The following CHKB variants were observed in gnomAD, a reference collection of about 807,000 sequenced individuals.
The protein encoded by CHKB is choline kinase beta.
Under a neutral mutation model 57.3 loss-of-function variants are expected in CHKB, and 45 were observed. The observed-to-expected ratio is 0.79, with a 90% CI of 0.62 to 1.01. The LOEUF is 1.01. CHKB is among the 50% of genes least tolerant of loss of function. The pLI is 0.00. For missense variants in CHKB, 517 were observed against 502.8 expected (o/e 1.03, Z -0.27); for synonymous variants, 224 against 201.8 (o/e 1.11, Z -0.93).
Position 50,582,789 on chromosome 22 carries a change from G to A in CHKB, c.-8C>T. On this transcript the variant is annotated 5_prime_UTR_variant, in exon 1 of 11. Transcript: ENST00000406938. ...TGTCGCCTCGGCCGCCATGGCGCGGGCTCGACCGGGCCCCAGGCCAGGCTG... is the reference window on the plus strand; with the variant it reads ...TGTCGCCTCGGCCGCCATGGCGCGGACTCGACCGGGCCCCAGGCCAGGCTG... 1 of 1,555,966 alleles carries A rather than the reference G, an allele frequency of 6.4e-7. No individual in the cohort carries two copies. The highest frequency in any genetic ancestry group is 8.7e-7 in the Non-Finnish European group (1 of 1,152,548).
Position 50,580,277 on chromosome 22 carries a change from G to A in CHKB, c.737-6C>T, listed in dbSNP as rs1172577845. 6.2e-7 allele frequency: 1 copy of A among 1,614,004 alleles called. No individual in the cohort carries two copies. Among genetic ancestry groups the A allele is most frequent in the Admixed American group, 1.7e-5 (1 of 60,030 alleles). ...TGAGAGCAGCAAGATGTTCCCTGGG[G>A]GAATGGGGTGAGGTTCTGCTCACTC... On this transcript the variant is annotated splice_polypyrimidine_tract_variant and splice_region_variant and intron_variant, in intron 6 of 10. Coordinates refer to ENST00000406938, the MANE Select transcript of CHKB (RefSeq NM_005198.5).
chr22:50,582,612 A>G lies in CHKB; in HGVS notation c.170T>C (p.Leu57Ser). 6.2e-7 allele frequency: 1 copy of G among 1,610,984 alleles called. No individual in the cohort carries two copies. The highest frequency in any genetic ancestry group is 1.1e-5 in the South Asian group (1 of 90,922). The change falls in exon 1 of 11, where the codon TTG (leucine) becomes TCG (serine). Residue 57 changes from leucine to serine, a missense_variant. Transcript: ENST00000406938. ...CTGCACTCGGCGCCAGGCCCCGCCC[A>G]AGTACTCCCGGCACCATTGGTAGGC... ...RRAYQWCREY[L>S]GGAWRRVQPE...
At position 50,580,400 on chromosome 22, in the gene CHKB, T is replaced by C. The variant is rs779762736; in HGVS notation, c.694A>G (p.Thr232Ala). ...TGGCAGAAGACGACTGGCGATGGGG[T>C]AGACTCTAGTAACTTCCTACAGGGG... ...MGNLRKLLES[T>A]PSPVVFCHND... is the part of the protein sequence containing the mutation. The change falls in exon 6 of 11, where the codon ACC (threonine) becomes GCC (alanine). Residue 232 changes from threonine to alanine, a missense_variant. Physicochemically the swap from Thr to Ala is moderately conservative, Grantham distance 58. Coordinates refer to ENST00000406938, the MANE Select transcript of CHKB (RefSeq NM_005198.5). 5 of 1,613,906 alleles carry C rather than the reference T, an allele frequency of 3.1e-6. No individual in the cohort carries two copies. The South Asian group carries it at 4.4e-5, about 14-fold the overall frequency.
At chr22:50,580,853 C>T in intron 4 of CHKB, 193 bp from the exon 5 acceptor site, 5 of 584,828 alleles carry the variant, frequency 8.5e-6, no homozygotes, top group Non-Finnish European at 1.6e-5. Context: ...GATCTTGGCT[C>T]ACTGCAACCT....
chr22:50,579,335 C>T, intron 10 of CHKB, 80 bp from the exon 11 acceptor site: 1 of 1,580,724 alleles, frequency 6.3e-7, no homozygotes, highest in Non-Finnish European at 8.6e-7. Context: ...CTGCCCACAG[C>T]CACCCGGGAC....
At chr22:50,579,859 T>A in intron 8 of CHKB, 29 bp from the exon 9 acceptor site, 1 of 1,605,736 alleles carries the variant, frequency 6.2e-7, no homozygotes, top group Non-Finnish European at 8.5e-7. Context: ...AGTCAGGAAT[T>A]GGGGAGACTG....
At position 50,582,613 on chromosome 22, in the gene CHKB, A is replaced by G. The variant is rs760830828; in HGVS notation, c.169T>C (p.Leu57=). 1 of 1,611,082 alleles carries G rather than the reference A, an allele frequency of 6.2e-7. No individual in the cohort carries two copies. The highest frequency in any genetic ancestry group is 8.5e-7 in the Non-Finnish European group (1 of 1,179,304). The change falls in exon 1 of 11, where the codon TTG becomes CTG. Residue 57 remains leucine (L), a synonymous_variant. Transcript: ENST00000406938. ...TGCACTCGGCGCCAGGCCCCGCCCA[A>G]GTACTCCCGGCACCATTGGTAGGCT... ...RRAYQWCREY[L]GGAWRRVQPE... is the part of the protein sequence containing the mutation.
chr22:50,581,861 C>G lies in CHKB; in HGVS notation c.335G>C (p.Gly112Ala). The G allele has an allele frequency of 1.2e-6, 2 of 1,613,712 alleles. No homozygotes were observed. The highest frequency in any genetic ancestry group is 1.7e-6 in the Non-Finnish European group (2 of 1,179,972). The change falls in exon 3 of 11, where the codon GGC becomes GCC. Residue 112 changes from glycine (G) to alanine (A), a missense_variant and splice_region_variant. Physicochemically the swap from Gly to Ala is moderately conservative, Grantham distance 60. Coordinates refer to ENST00000406938, the MANE Select transcript of CHKB (RefSeq NM_005198.5). ...GCTTTCTAGCACCAGGGAGTCCACG[C>G]CCTGAAAAAGGATGGACAGCAAAGG... The part of the protein sequence containing the change: ...LLRLYGAILQ[G>A]VDSLVLESVM...
chr22:50,582,167 C>A (rs574732831), intron 2 of CHKB, 82 bp downstream of exon 2: 2 of 1,287,566 alleles, frequency 1.6e-6, no homozygotes, highest in East Asian at 2.5e-5. Flanking sequence ...TCCTCAACTG[C>A]GCAACGGGAA....
At position 50,580,642 on chromosome 22, in the gene CHKB, C is replaced by T; in HGVS notation, c.600G>A (p.Gln200=). 1 of 1,614,048 alleles carries T rather than the reference C, an allele frequency of 6.2e-7. No homozygotes were observed. The highest frequency in any genetic ancestry group is 8.5e-7 in the Non-Finnish European group (1 of 1,180,028). The change falls in exon 5 of 11, where the codon CAG becomes CAA. Residue 200 remains glutamine (Q), a synonymous_variant. Coordinates refer to ENST00000406938, the MANE Select transcript of CHKB (RefSeq NM_005198.5). ...CAGGGAGGCCAGTTGGGGGCAGGTC[C>T]TGGATCTGTTTTAGGTACCTGAAGC... The part of the protein sequence containing the change: ...GTMERYLKQI[Q]DLPPTGLPEM...
chr22:50,579,523 G>A lies in CHKB; in HGVS notation c.1032-16C>T. 6.2e-7 allele frequency: 1 copy of A among 1,612,602 alleles called. No individual in the cohort carries two copies. The highest frequency in any genetic ancestry group is 8.5e-7 in the Non-Finnish European group (1 of 1,179,466). ...CAGAGCATACCTGGGGGGAGGGCAG[G>A]AAAAGGAGGGGCATTCAAGAGCATG... On this transcript the variant is annotated splice_polypyrimidine_tract_variant and intron_variant, in intron 9 of 10. Transcript: ENST00000406938.
Position 50,580,868 on chromosome 22 carries a change from C to T in CHKB, c.582-208G>A, listed in dbSNP as rs369747603. On this transcript the variant is annotated intron_variant, in intron 4 of 10. Coordinates refer to ENST00000406938, the MANE Select transcript of CHKB (RefSeq NM_005198.5). ...GATCTTGGCTCACTGCAACCTCTGC[C>T]TCCCGGGTTCAAGCAATTCTCCTGC... 76 of 545,924 alleles carry T rather than the reference C, an allele frequency of 1.4e-4. No homozygotes were observed. The Middle Eastern group carries it at 2.0e-3, about 14-fold the overall frequency. 33.8% of individuals were successfully genotyped at this position (545,924 alleles called of 1,614,324 possible).
At chr22:50,582,012 A>G (rs1272108227) in intron 2 of CHKB, 150 bp from the exon 3 acceptor site, 2 of 800,530 alleles carry the variant, frequency 2.5e-6, no homozygotes, top group Middle Eastern at 2.4e-4. Context: ...ATTTTTATTT[A>G]GAGATGGGGG....
Position 50,579,223 on chromosome 22 carries a change from G to A in CHKB, c.1146C>T (p.Phe382=), listed in dbSNP as rs761473672. The A allele has an allele frequency of 6.2e-7, 1 of 1,613,924 alleles. No individual in the cohort carries two copies. Among genetic ancestry groups the A allele is most frequent in the Non-Finnish European group, 8.5e-7 (1 of 1,179,934 alleles). Residue 382 remains phenylalanine, a synonymous_variant, in exon 11 of 11, where the codon TTC becomes TTT. Transcript: ENST00000406938. ...CACTGGTCAGCTGCCCCTTCTGCTG[G>A]AAGTAGAACTGGAACCGAGACTGGG... ...DYAQSRFQFY[F]QQKGQLTSVH... is the part of the protein sequence containing the mutation.
In CHKB at chr22:50,579,144, A is replaced by T; in HGVS notation, c.*37T>A. 1 of 1,595,134 alleles carries T rather than the reference A, an allele frequency of 6.3e-7. No homozygotes were observed. Among genetic ancestry groups the T allele is most frequent in the South Asian group, 1.1e-5 (1 of 89,652 alleles). ...TCCTCCCTCCAAGGTCCTGCCCTGG[A>T]GGCTCCAGGAGAAATCCAAGGAGTG... On this transcript the variant is annotated 3_prime_UTR_variant, in exon 11 of 11. Transcript: ENST00000406938.
intron 1 of CHKB, 26 bp from the exon 2 acceptor site, chr22:50,582,383 A>G (rs2070713101): frequency 6.5e-7 from 1 of 1,529,306 alleles, no homozygotes; most frequent in Non-Finnish European, 8.8e-7. Context: ...AGGCGCGCTC[A>G]GCCCGCGGCC....
At chr22:50,580,769 T>C (rs79860420) in intron 4 of CHKB, 109 bp from the exon 5 acceptor site, 2 of 943,284 alleles carry the variant, frequency 2.1e-6, no homozygotes, top group African/African-American at 3.2e-5. Context: ...CTGTGTGACT[T>C]GTCCGGCAAT....
intron 9 of CHKB, 38 bp downstream of exon 9, chr22:50,579,689 C>T: frequency 1.9e-6 from 3 of 1,573,578 alleles, no homozygotes; most frequent in Non-Finnish European, 2.6e-6. Flanking sequence ...CCTCTTTCCT[C>T]TGCTCTGCCC....
rs774104710 is a variant in CHKB at position 50,581,869 on chromosome 22, A to T, written c.334-7T>A. ...GCACCAGGGAGTCCACGCCCTGAAAAAGGATGGACAGCAAAGGGGCCAAGG... is the reference window on the plus strand; with the variant it reads ...GCACCAGGGAGTCCACGCCCTGAAATAGGATGGACAGCAAAGGGGCCAAGG... On this transcript the variant is annotated splice_polypyrimidine_tract_variant and splice_region_variant and intron_variant, in intron 2 of 10. Coordinates refer to ENST00000406938, the MANE Select transcript of CHKB (RefSeq NM_005198.5). 22 of 1,613,086 alleles carry T rather than the reference A, an allele frequency of 1.4e-5. No homozygotes were observed. Among genetic ancestry groups the T allele is most frequent in the Non-Finnish European group, 1.6e-5 (19 of 1,179,580 alleles).
Sources: gnomAD v4.1 joint callset for allele counts on GRCh38, gnomAD v4.1.1 for gene constraint, MANE v1.5 for transcripts, NCBI Gene and HGNC (gene_info 2026-07-23, HGNC 2026-07-21) for gene names.